ALK: variants seen among roughly 807,000 people sequenced by gnomAD.
ALK encodes ALK tyrosine kinase receptor.
A neutral mutation model predicts 163.1 loss-of-function variants in ALK; 74 were observed. The observed-to-expected ratio is 0.45, with a 90% CI of 0.38 to 0.55. The LOEUF is 0.55. Ranked by LOEUF, ALK falls within the 20% of genes least tolerant of loss-of-function variation. ALK has a pLI of 0.00. For missense variants in ALK, 2,063 were observed against 2,105.3 expected (o/e 0.98, Z 0.39); for synonymous variants, 960 against 843.2 (o/e 1.14, Z -2.40).
intron 1 of ALK, among the ~76,000 whole-genome samples, chr2:29,877,244 C>A (rs1666746966): frequency 6.6e-6 from 1 of 152,160 alleles, no homozygotes; most frequent in Non-Finnish European, 1.5e-5. Context: ...ACTTTTTGTA[C>A]TTGCTGTTTC....
intron 12 of ALK, among the ~76,000 whole-genome samples, chr2:29,249,915 T>C (rs778238549): frequency 7.9e-5 from 12 of 152,220 alleles, no homozygotes; most frequent in Non-Finnish European, 1.3e-4. Flanking sequence ...ATAGCATTTC[T>C]GCCCGGAGTG....
At chr2:29,687,168 T>A (rs1210241685) in intron 3 of ALK, among the ~76,000 whole-genome samples, 1 of 151,778 alleles carries the variant, frequency 6.6e-6, no homozygotes, top group Non-Finnish European at 1.5e-5. Context: ...TGAACTGAAG[T>A]GGGTGTGTTT....
At chr2:29,685,762 A>G (rs1047791979) in intron 3 of ALK, among the ~76,000 whole-genome samples, 1 of 152,182 alleles carries the variant, frequency 6.6e-6, no homozygotes, top group Non-Finnish European at 1.5e-5. Flanking sequence ...ACACAACTAT[A>G]TTATCTTTTG....
intron 1 of ALK, among the ~76,000 whole-genome samples, chr2:29,888,557 G>T (rs922646633): frequency 6.6e-6 from 1 of 152,218 alleles, no homozygotes; most frequent in East Asian, 1.9e-4. Context: ...ACCAGCTTCC[G>T]AACTCAGAGG....
chr2:29,358,565 A>G (rs898180037), intron 5 of ALK, among the ~76,000 whole-genome samples: 3 of 152,196 alleles, frequency 2.0e-5, no homozygotes, highest in Non-Finnish European at 4.4e-5. Flanking sequence ...AAGTTCTCCC[A>G]AGTGCTGTAG....
intron 12 of ALK, among the ~76,000 whole-genome samples, chr2:29,240,279 CAT>C (rs1664491897): frequency 1.3e-5 from 2 of 152,214 alleles, no homozygotes; most frequent in Admixed American, 6.5e-5. Context: ...TCAATGGACT[CAT>C]GTGACCTTAG....
At chr2:29,463,287 A>G (rs62131814) in intron 4 of ALK, among the ~76,000 whole-genome samples, 39,610 of 152,092 alleles carry the variant, frequency 0.26, 6,018 homozygotes, top group Non-Finnish European at 0.35. Context: ...CAGCAAGAAG[A>G]AGGATTCCAG....
At chr2:29,826,850 G>A (rs997411126) in intron 1 of ALK, among the ~76,000 whole-genome samples, 1 of 152,182 alleles carries the variant, frequency 6.6e-6, no homozygotes, top group African/African-American at 2.4e-5. Context: ...CACTCAAAAT[G>A]TTTTTACCCA....
chr2:29,890,054 T>C (rs1032902034), intron 1 of ALK, among the ~76,000 whole-genome samples: 7 of 152,198 alleles, frequency 4.6e-5, no homozygotes, highest in South Asian at 4.1e-4. Context: ...CAGCTGAACA[T>C]AGAGCATCTG....
At chr2:29,898,705 C>A (rs941219646) in intron 1 of ALK, among the ~76,000 whole-genome samples, 2 of 152,168 alleles carry the variant, frequency 1.3e-5, no homozygotes, top group East Asian at 3.8e-4. Context: ...GACTGAATGT[C>A]CCCAACATGG....
At chr2:29,695,061 T>C (rs773763203) in intron 2 of ALK, 47 bp from the exon 3 acceptor site, 2 of 1,612,416 alleles carry the variant, frequency 1.2e-6, no homozygotes, top group Admixed American at 3.3e-5. Context: ...TTCCCAAACG[T>C]GACTTTTCAG....
At chr2:29,314,064 T>A (rs1666761880) in intron 8 of ALK, among the ~76,000 whole-genome samples, 1 of 152,172 alleles carries the variant, frequency 6.6e-6, no homozygotes, top group Non-Finnish European at 1.5e-5. Flanking sequence ...CTTCCCTGCT[T>A]CTGCGTCACA....
At chr2:29,813,557 A>G (rs1664813433) in intron 1 of ALK, among the ~76,000 whole-genome samples, 1 of 152,208 alleles carries the variant, frequency 6.6e-6, no homozygotes, top group Non-Finnish European at 1.5e-5. Flanking sequence ...TTCATTATTT[A>G]TATTAAAAAA....
chr2:29,322,641 C>T (rs1189981699), intron 6 of ALK, among the ~76,000 whole-genome samples: 2 of 152,182 alleles, frequency 1.3e-5, no homozygotes, highest in Non-Finnish European at 2.9e-5. Context: ...TGAGAACAGC[C>T]TGGCCAACAT....
chr2:29,705,280 T>A (rs1424783013), intron 2 of ALK, among the ~76,000 whole-genome samples: 14 of 34,230 alleles, frequency 4.1e-4, no homozygotes, highest in African/African-American at 1.6e-3. Flanking sequence ...TATATATATA[T>A]AAATATATAT....
Position 29,275,437 on chromosome 2 carries a change from T to C in ALK, c.1877A>G (p.Asp626Gly), listed in dbSNP as rs545536286. ...GCAGTCCAGGCTGATGGAGATATTGTCAAAAGCCACGATGGCTCTGGATCC... is the reference window on the plus strand; with the variant it reads ...GCAGTCCAGGCTGATGGAGATATTGCCAAAAGCCACGATGGCTCTGGATCC... ...GQGSRAIVAFDNISISLDCYL... is the reference protein window; with the variant it reads ...GQGSRAIVAFGNISISLDCYL... The change falls in exon 10 of 29, where the codon GAC (aspartate) becomes GGC (glycine). Residue 626 changes from aspartate (D) to glycine (G), a missense_variant. Asp to Gly is a moderately conservative substitution (Grantham distance 94). This residue lies in a region of ALK where 987 missense variants were observed against 939.5 expected (regional missense o/e 1.05). Coordinates refer to ENST00000389048, the MANE Select transcript of ALK (RefSeq NM_004304.5). 6.2e-7 allele frequency: 1 copy of C among 1,614,032 alleles called. No individual in the cohort carries two copies. The highest frequency in any genetic ancestry group is 8.5e-7 in the Non-Finnish European group (1 of 1,180,012).
chr2:29,528,711 C>T (rs577139920), intron 4 of ALK, among the ~76,000 whole-genome samples: 15 of 152,200 alleles, frequency 9.9e-5, no homozygotes, highest in South Asian at 4.1e-4. Flanking sequence ...AGGCACTGTG[C>T]GAGCCATTTT....
intron 4 of ALK, among the ~76,000 whole-genome samples, chr2:29,414,286 A>G (rs76131286): frequency 0.013 from 1,985 of 152,300 alleles, 36 homozygotes; most frequent in African/African-American, 0.045. Flanking sequence ...GATCTCTAGG[A>G]TCTCTTACAG....
At chr2:29,605,426 A>G (rs1258091006) in intron 3 of ALK, among the ~76,000 whole-genome samples, 1 of 152,188 alleles carries the variant, frequency 6.6e-6, no homozygotes, top group Non-Finnish European at 1.5e-5. Context: ...AAGTTATCCC[A>G]CTGCTATAGA....
Sources: gnomAD v4.1 joint callset for allele counts (sites outside exome capture counted in the v4.1 genomes callset) on GRCh38, gnomAD v4.1.1 for gene constraint, gnomAD v4.1.1 regional missense constraint, MANE v1.5 for transcripts, NCBI Gene and HGNC (gene_info 2026-07-23, HGNC 2026-07-21) for gene names.